The following VPS33B variants were observed in gnomAD, a reference collection of about 807,000 sequenced individuals.
VPS33B encodes the protein VPS33B late endosome and lysosome associated, also known as vacuolar protein sorting-associated protein 33B.
A neutral mutation model predicts 95.3 loss-of-function variants in VPS33B; 80 were observed. The observed-to-expected ratio is 0.84, with a 90% CI of 0.70 to 1.01. The LOEUF (loss-of-function observed/expected upper bound fraction) is 1.01, where lower values mean the gene tolerates loss of function less well. VPS33B is among the 50% of genes least tolerant of loss of function. The pLI, the probability that VPS33B is intolerant of heterozygous loss-of-function variation, is 0.00. For synonymous variants in VPS33B, 280 were observed against 280.4 expected, an observed-to-expected ratio of 1.00 and a Z score of 0.01; for missense variants, 715 against 773.4, an observed-to-expected ratio of 0.92 and a Z score of 0.90.
intron 2 of VPS33B, among the ~76,000 whole-genome samples, chr15:91,017,342 AC>A (rs1425378252): frequency 9.2e-6 from 1 of 109,218 alleles, no homozygotes; most frequent in Non-Finnish European, 1.8e-5. Flanking sequence ...GGGTAACATA[AC>A]AAGACTCCAT....
Position 91,018,357 on chromosome 15 carries a change from T to G in VPS33B, c.97-472A>C, listed in dbSNP as rs867437399. Among the ~76,000 whole-genome samples the G allele has an allele frequency of 8.6e-5, 13 of 152,034 alleles. No homozygotes were observed. Among genetic ancestry groups the G allele is most frequent in the Admixed American group, 5.9e-4 (9 of 15,232 alleles). ...CAGGACAGTCCTCACCCCATCACCC[T>G]TCCACTCCCCCACCCCACAATCCCT... On this transcript the variant is annotated intron_variant, in intron 1 of 22. Transcript: ENST00000333371. This position sits in a 1 kb window ranked among gnomAD's most constrained non-coding sequence, Gnocchi z 4.7.
At chr15:91,017,081 G>A in intron 2 of VPS33B, 57 bp from the exon 3 acceptor site, 2 of 1,541,392 alleles carry the variant, frequency 1.3e-6, no homozygotes. Context: ...AGCACAAAGT[G>A]TGACACGAAG....
chr15:91,005,036 C>T lies in VPS33B; in HGVS notation c.1170+19G>A, dbSNP rs1336561852. On this transcript the variant is annotated intron_variant, in intron 15 of 22. Transcript: ENST00000333371. The surrounding 1 kb of genome is among the most constrained non-coding windows in gnomAD (Gnocchi z 6.4). ...CTCTAAATGCCATTCTTGGCACCCC[C>T]AGCCCTCCACCTGCGCACCTGCCGG... 1 of 1,614,238 alleles carries T rather than the reference C, an allele frequency of 6.2e-7. No homozygotes were observed.
rs753698421 is a variant in VPS33B, at chr15:91,003,146, A to G, written c.1226-15T>C. ...GGGGATCAAACCTAAGAGTGAAGAAAATAAGACAGGTGCATGAGAAAGAGG... is the reference window on the plus strand; with the variant it reads ...GGGGATCAAACCTAAGAGTGAAGAAGATAAGACAGGTGCATGAGAAAGAGG... On this transcript the variant is annotated splice_polypyrimidine_tract_variant and intron_variant, in intron 16 of 22. Transcript: ENST00000333371. 1.2e-6 allele frequency: 2 copies of G among 1,614,162 alleles called. No individual in the cohort carries two copies. The highest frequency in any genetic ancestry group is 2.2e-5 in the South Asian group (2 of 91,082).
In VPS33B at chr15:91,022,375, T is replaced by C. The variant is rs1297784849; in HGVS notation, c.-126A>G. On this transcript the variant is annotated 5_prime_UTR_variant, in exon 1 of 23. Transcript: ENST00000333371. ...GGCACCGACTTCCAGAGACCCCAGA[T>C]GGGCCCTCGCTCCTCAGCAGCACTC... 4.0e-5 allele frequency: 36 copies of C among 890,708 alleles called. No homozygotes were observed. The highest frequency in any genetic ancestry group is 4.9e-5 in the Non-Finnish European group (29 of 594,452). 55.2% of individuals were successfully genotyped at this position (890,708 alleles called of 1,614,324 possible).
rs769605537 is a variant in VPS33B at position 91,004,978 on chromosome 15, T to A, written c.1171-47A>T. ...AGGAGAATTGAAGCTTCACAACACG[T>A]GTTCTTTTCCTTCTGCTTAAGGCCG... On this transcript the variant is annotated intron_variant, in intron 15 of 22. Transcript: ENST00000333371. The A allele has an allele frequency of 2.5e-6, 4 of 1,614,132 alleles. No homozygotes were observed. The Admixed American group carries it at 6.7e-5, about 27-fold the overall frequency.
Position 91,022,221 on chromosome 15 carries a change from G to C in VPS33B, c.29C>G (p.Pro10Arg). 1 of 1,582,158 alleles carries C rather than the reference G, an allele frequency of 6.3e-7. No homozygotes were observed. Among genetic ancestry groups the C allele is most frequent in the Non-Finnish European group, 8.6e-7 (1 of 1,160,994 alleles). MAFPHRPDA[P>R]ELPDFSMLKR... ...CAGCATGGAGAAGTCAGGCAGCTCA[G>C]GGGCGTCCGGCCGATGGGGAAAAGC... The change falls in exon 1 of 23, where the codon CCT (proline) becomes CGT (arginine). Residue 10 changes from proline to arginine, a missense_variant. Coordinates refer to ENST00000333371, the MANE Select transcript of VPS33B (RefSeq NM_018668.5).
Position 91,002,286 on chromosome 15 carries a change from T to G in VPS33B, c.1273-104A>C. 2 of 1,495,740 alleles carry G rather than the reference T, an allele frequency of 1.3e-6. No homozygotes were observed. Among genetic ancestry groups the G allele is most frequent in the Non-Finnish European group, 1.8e-6 (2 of 1,092,070 alleles). 92.7% of individuals were successfully genotyped at this position (1,495,740 alleles called of 1,614,324 possible). On this transcript the variant is annotated intron_variant, in intron 17 of 22. Transcript: ENST00000333371. This position sits in a 1 kb window ranked among gnomAD's most constrained non-coding sequence, Gnocchi z 4.7. ...AAGGACTATGAAGCCTCTGCTGCAG[T>G]GTGAAGGAGCTCACACTTTGTTGAG... is the stretch of plus-strand genomic sequence containing the variant.
rs757309168 is a variant in VPS33B, at chr15:90,999,638, A to C, written c.1774+39T>G. ...CCAGCTGACACTTTGTTACCCAGAT[A>C]CAATGCAGGCCAATTCTCACCTTTC... On this transcript the variant is annotated intron_variant, in intron 22 of 22. Coordinates refer to ENST00000333371, the MANE Select transcript of VPS33B (RefSeq NM_018668.5). The surrounding 1 kb of genome is among the most constrained non-coding windows in gnomAD (Gnocchi z 5.1). 3 of 1,604,546 alleles carry C rather than the reference A, an allele frequency of 1.9e-6. No individual in the cohort carries two copies. The East Asian group carries it at 6.7e-5, about 36-fold the overall frequency.
In VPS33B at chr15:91,002,973, A is replaced by G. The variant is rs1025348714; in HGVS notation, c.1272+112T>C. On this transcript the variant is annotated intron_variant, in intron 17 of 22. Coordinates refer to ENST00000333371, the MANE Select transcript of VPS33B (RefSeq NM_018668.5). This position sits in a 1 kb window ranked among gnomAD's most constrained non-coding sequence, Gnocchi z 4.7. Reference sequence around the variant, plus strand: ...AGCTCTAAGAGGGAGGCCTGAATGGAAACAGGAGGGTAATGGAGGCAGGAA... The same window carrying G: ...AGCTCTAAGAGGGAGGCCTGAATGGGAACAGGAGGGTAATGGAGGCAGGAA... 9.2e-6 allele frequency: 11 copies of G among 1,194,078 alleles called. No homozygotes were observed. The African/African-American group carries it at 1.3e-4, about 15-fold the overall frequency. 74.0% of individuals were successfully genotyped at this position (1,194,078 alleles called of 1,614,324 possible). A position where few individuals can be genotyped will look rare whatever the true frequency, so the allele number is the denominator to read the frequency against.
chr15:91,003,415 G>A (rs2151666809), intron 16 of VPS33B, among the ~76,000 whole-genome samples: 1 of 152,228 alleles, frequency 6.6e-6, no homozygotes, highest in South Asian at 2.1e-4. Flanking sequence ...CAGCAGGAGG[G>A]AGGAGAAGTG....
intron 4 of VPS33B, 79 bp downstream of exon 4, chr15:91,014,305 T>G (rs1183767975): frequency 7.1e-7 from 1 of 1,412,220 alleles, no homozygotes; most frequent in African/African-American, 1.4e-5. Context: ...ATTTTCTTAT[T>G]AGAGGGTCCT....
chr15:91,004,745 A>G (rs1567221108), intron 16 of VPS33B, 132 bp downstream of exon 16: 3 of 1,156,912 alleles, frequency 2.6e-6, no homozygotes, highest in Non-Finnish European at 3.8e-6. Flanking sequence ...CCAAACAAAA[A>G]AGAATCCATT....
rs1555460460 is a variant in VPS33B at position 91,017,365 on chromosome 15, T to TTAAAAAAAAAAAAAAAAAAAAA, written c.178-342_178-341insTTTTTTTTTTTTTTTTTTTTTA. Among the ~76,000 whole-genome samples, 25 of 16,990 alleles carry TTAAAAAAAAAAAAAAAAAAAAA rather than the reference T, an allele frequency of 1.5e-3. 5 individuals are homozygous for TTAAAAAAAAAAAAAAAAAAAAA. The highest frequency in any genetic ancestry group is 0.014 in the East Asian group (6 of 414). 11.1% of individuals were successfully genotyped at this position (16,990 alleles called of 152,430 possible). On this transcript the variant is annotated intron_variant, in intron 2 of 22. Coordinates refer to ENST00000333371, the MANE Select transcript of VPS33B (RefSeq NM_018668.5). ...TAACAAGACTCCATCTCTACAAAAT[T>TTAAAAAAAAAAAAAAAAAAAAA]AAATATATATATATATATATATATA...
intron 2 of VPS33B, among the ~76,000 whole-genome samples, chr15:91,017,367 A>AATATATATATATATAT (rs1159663715): frequency 1.3e-4 from 2 of 15,844 alleles, no homozygotes; most frequent in Admixed American, 1.1e-3. Flanking sequence ...TACAAAATTA[A>AATATATATATATATAT]ATATATATAT....
At position 91,003,171 on chromosome 15, in the gene VPS33B, GCCGGCAGAGGCAC is replaced by G. The variant is rs774999918; in HGVS notation, c.1226-53_1226-41del. 26 of 1,602,898 alleles carry G rather than the reference GCCGGCAGAGGCAC, an allele frequency of 1.6e-5. No individual in the cohort carries two copies. In the South Asian group the frequency reaches 2.4e-4, roughly 15 times the overall value. ...AATAAGACAGGTGCATGAGAAAGAG[GCCGGCAGAGGCAC>G]CCTAAAATGTACAGATCAACCAGCA... On this transcript the variant is annotated intron_variant, in intron 16 of 22. Transcript: ENST00000333371.
Position 90,998,681 on chromosome 15 carries a change from G to A in VPS33B, c.*294C>T. The stretch of plus-strand genomic sequence containing the variant: ...CCAGAACGACCAACGTATTACATCT[G>A]AGAGCAGAGGCTTTATTTACAATGA... On this transcript the variant is annotated 3_prime_UTR_variant, in exon 23 of 23. Coordinates refer to ENST00000333371, the MANE Select transcript of VPS33B (RefSeq NM_018668.5). This position sits in a 1 kb window ranked among gnomAD's most constrained non-coding sequence, Gnocchi z 4.8. The A allele has an allele frequency of 2.1e-6, 1 of 469,874 alleles. No individual in the cohort carries two copies. The highest frequency in any genetic ancestry group is 2.1e-5 in the South Asian group (1 of 48,352). The allele number at this position is 469,874 out of a possible 1,614,324, so 29.1% of individuals were successfully genotyped here. A position where few individuals can be genotyped will look rare whatever the true frequency, so the allele number is the denominator to read the frequency against.
chr15:91,014,305 TAG>T (rs2040862671), intron 4 of VPS33B, 77 bp downstream of exon 4: 2 of 1,412,220 alleles, frequency 1.4e-6, no homozygotes, highest in Non-Finnish European at 2.0e-6. Flanking sequence ...ATTTTCTTAT[TAG>T]AGGGTCCTTA....
Position 91,006,253 on chromosome 15 carries a change from C to G in VPS33B, c.852+119G>C. 1 of 1,484,486 alleles carries G rather than the reference C, an allele frequency of 6.7e-7. No homozygotes were observed. Among genetic ancestry groups the G allele is most frequent in the South Asian group, 1.1e-5 (1 of 88,512 alleles). 92.0% of individuals were successfully genotyped at this position (1,484,486 alleles called of 1,614,324 possible). ...TGAACTGGTGGGGAAACCCTCTCTC[C>G]CATAGACTCAGCCTCCCCTCTCAGA... On this transcript the variant is annotated intron_variant, in intron 11 of 22. Coordinates refer to ENST00000333371, the MANE Select transcript of VPS33B (RefSeq NM_018668.5). This position sits in a 1 kb window ranked among gnomAD's most constrained non-coding sequence, Gnocchi z 5.4.
Sources: allele counts gnomAD v4.1 joint callset (sites outside exome capture counted in the v4.1 genomes callset), GRCh38; gene constraint gnomAD v4.1.1; non-coding constraint Gnocchi (gnomAD v3.1); transcripts MANE v1.5; gene names NCBI Gene and HGNC (gene_info 2026-07-23, HGNC 2026-07-21).